Variants in ABTB3 observed in about 807,000 individuals in gnomAD.
The protein encoded by ABTB3 is ankyrin repeat- and BTB/POZ domain-containing protein 3.
the ABTB3 span, among the ~76,000 whole-genome samples, chr12:107,468,514 G>T: frequency 1.3e-5 from 2 of 152,146 alleles, no homozygotes; most frequent in Non-Finnish European, 2.9e-5. Flanking sequence ...GGGTGACCTT[G>T]AAAACAAACA....
the ABTB3 span, among the ~76,000 whole-genome samples, chr12:107,375,310 C>A: frequency 1.3e-5 from 2 of 151,978 alleles, no homozygotes; most frequent in Non-Finnish European, 2.9e-5. Context: ...CCTGGCTACC[C>A]AGGAGGTTGA....
At chr12:107,529,917 C>CAACAG in the ABTB3 span, among the ~76,000 whole-genome samples, 1 of 152,186 alleles carries the variant, frequency 6.6e-6, no homozygotes, top group African/African-American at 2.4e-5. Flanking sequence ...CTGTGAAATG[C>CAACAG]AACAGAATTA....
At chr12:107,621,612 C>G in the ABTB3 span, among the ~76,000 whole-genome samples, 1 of 152,130 alleles carries the variant, frequency 6.6e-6, no homozygotes, top group Non-Finnish European at 1.5e-5. Flanking sequence ...CAGAAAAGTG[C>G]CCAGCTCATA....
At chr12:107,518,201 G>A in the ABTB3 span, among the ~76,000 whole-genome samples, 1 of 152,282 alleles carries the variant, frequency 6.6e-6, no homozygotes, top group South Asian at 2.1e-4. Flanking sequence ...AAGACAGTGT[G>A]GCGATTCCTC....
At chr12:107,453,518 C>T in the ABTB3 span, among the ~76,000 whole-genome samples, 2 of 152,156 alleles carry the variant, frequency 1.3e-5, no homozygotes, top group African/African-American at 4.8e-5. Flanking sequence ...GGGCCCTTGC[C>T]AGACAACAAA....
chr12:107,321,603 CCACACACA>C, the ABTB3 span, among the ~76,000 whole-genome samples: 2 of 85,474 alleles, frequency 2.3e-5, no homozygotes, highest in South Asian at 4.4e-4. Context: ...ATCTTCGAGG[CCACACACA>C]CACACACACA....
At chr12:107,372,490 G>T in the ABTB3 span, among the ~76,000 whole-genome samples, 1 of 152,162 alleles carries the variant, frequency 6.6e-6, no homozygotes, top group Non-Finnish European at 1.5e-5. Flanking sequence ...GCACTGAGAG[G>T]TTGGATAGAG....
At chr12:107,320,314 C>T in the ABTB3 span, among the ~76,000 whole-genome samples, 1 of 152,334 alleles carries the variant, frequency 6.6e-6, no homozygotes, top group East Asian at 1.9e-4. Context: ...GTTCCGCCCC[C>T]GGTGCGGGGC....
chr12:107,368,043 G>A, the ABTB3 span, among the ~76,000 whole-genome samples: 1 of 152,148 alleles, frequency 6.6e-6, no homozygotes, highest in Admixed American at 6.6e-5. Flanking sequence ...TGTACATCTA[G>A]CTTATTATTT....
chr12:107,420,840 A>G, the ABTB3 span, among the ~76,000 whole-genome samples: 9 of 152,188 alleles, frequency 5.9e-5, no homozygotes, highest in Non-Finnish European at 1.2e-4. Flanking sequence ...TTAAGTATGT[A>G]GAGGACACTA....
chr12:107,544,689 T>C, the ABTB3 span, among the ~76,000 whole-genome samples: 1 of 152,132 alleles, frequency 6.6e-6, no homozygotes, highest in Non-Finnish European at 1.5e-5. Flanking sequence ...CCCACTTCCT[T>C]TAGCGACGGA....
At chr12:107,491,555 G>A in the ABTB3 span, among the ~76,000 whole-genome samples, 2 of 152,104 alleles carry the variant, frequency 1.3e-5, no homozygotes, top group African/African-American at 2.4e-5. Flanking sequence ...GAACTGGATG[G>A]CTCATGCCTG....
the ABTB3 span, among the ~76,000 whole-genome samples, chr12:107,656,095 C>T: frequency 6.7e-6 from 1 of 149,846 alleles, no homozygotes; most frequent in Non-Finnish European, 1.5e-5. Flanking sequence ...TGAGACCAGC[C>T]TGAGCAACAT....
At chr12:107,648,941 G>A in the ABTB3 span, among the ~76,000 whole-genome samples, 1 of 151,458 alleles carries the variant, frequency 6.6e-6, no homozygotes, top group African/African-American at 2.4e-5. Context: ...GGTCTTGGGG[G>A]TGGGCATGGA....
the ABTB3 span, among the ~76,000 whole-genome samples, chr12:107,654,984 A>G: frequency 1.3e-5 from 2 of 152,024 alleles, no homozygotes; most frequent in Non-Finnish European, 2.9e-5. Context: ...ACCAAGGCAG[A>G]GAGCCTGATT....
chr12:107,488,933 C>T, the ABTB3 span, among the ~76,000 whole-genome samples: 4 of 151,824 alleles, frequency 2.6e-5, no homozygotes, highest in Non-Finnish European at 2.9e-5. Context: ...AGAGAACTTA[C>T]GAAAGAAGCA....
the ABTB3 span, among the ~76,000 whole-genome samples, chr12:107,438,063 G>T: frequency 2.6e-5 from 4 of 152,050 alleles, no homozygotes; most frequent in African/African-American, 9.7e-5. Flanking sequence ...TTCTCTAATG[G>T]GGAGACCATC....
chr12:107,640,797 C>T, the ABTB3 span, among the ~76,000 whole-genome samples: 2 of 152,218 alleles, frequency 1.3e-5, no homozygotes, highest in African/African-American at 2.4e-5. Context: ...TTTACTTTTC[C>T]CTAACTGTGG....
chr12:107,641,411 C>T, the ABTB3 span, among the ~76,000 whole-genome samples: 2 of 152,128 alleles, frequency 1.3e-5, no homozygotes, highest in Non-Finnish European at 2.9e-5. Flanking sequence ...CTTTGCAACT[C>T]TTCTGTAAAT....
Sources: gnomAD v4.1 joint callset for allele counts (sites outside exome capture counted in the v4.1 genomes callset) on GRCh38, gnomAD v4.1.1 for gene constraint, MANE v1.5 for transcripts, NCBI Gene and HGNC (gene_info 2026-07-23, HGNC 2026-07-21) for gene names.